The following DRC3 variants were observed in gnomAD, a reference collection of about 807,000 sequenced individuals.
DRC3 encodes dynein regulatory complex subunit 3.
In DRC3, 45 loss-of-function variants were observed where a neutral mutation model predicts 57.6. The observed-to-expected ratio is 0.78, with a 90% CI of 0.62 to 1.00. The LOEUF is 1.00. DRC3 is among the 50% of genes least tolerant of loss of function. The probability of loss-of-function intolerance (pLI) is 0.00; values close to 1 mark genes in which losing one functional copy is unlikely to be tolerated. For missense variants in DRC3, 655 were observed against 675.2 expected (o/e 0.97, Z 0.33); for synonymous variants, 257 against 272.3 (o/e 0.94, Z 0.55).
At chr17:17,978,272 C>T (rs563652296) in intron 3 of DRC3, among the ~76,000 whole-genome samples, 127 of 152,250 alleles carry the variant, frequency 8.3e-4, no homozygotes, top group Non-Finnish European at 1.5e-3. Context: ...AGATGTGGCT[C>T]AGGACCAGGC....
At position 18,007,151 on chromosome 17, in the gene DRC3, G is replaced by A; in HGVS notation, c.1326+4G>A. 1 of 935,066 alleles carries A rather than the reference G, an allele frequency of 1.1e-6. No individual in the cohort carries two copies. The highest frequency in any genetic ancestry group is 1.5e-6 in the Non-Finnish European group (1 of 657,254). The allele number at this position is 935,066 out of a possible 1,614,324, so 57.9% of individuals were successfully genotyped here. A position where few individuals can be genotyped will look rare whatever the true frequency, so the allele number is the denominator to read the frequency against. ...CCTGCCTAACGACCTGCGCGCGGTAGGCGGGGCGGGCTGCTCGGAGCCTGA... is the reference window on the plus strand; with the variant it reads ...CCTGCCTAACGACCTGCGCGCGGTAAGCGGGGCGGGCTGCTCGGAGCCTGA... On this transcript the variant is annotated splice_donor_region_variant and intron_variant, in intron 12 of 13. Transcript: ENST00000399187.
At chr17:18,012,875 C>T (rs1284600219) in intron 12 of DRC3, among the ~76,000 whole-genome samples, 1 of 151,918 alleles carries the variant, frequency 6.6e-6, no homozygotes, top group Non-Finnish European at 1.5e-5. Flanking sequence ...GAAAAGACAC[C>T]CTACACAATG....
chr17:18,010,060 G>A (rs2044114953), intron 12 of DRC3, among the ~76,000 whole-genome samples: 1 of 152,332 alleles, frequency 6.6e-6, no homozygotes, highest in South Asian at 2.1e-4. Context: ...TGCGAGGGCA[G>A]GGTGAGTGCT....
chr17:17,984,681 G>C (rs960782193), intron 4 of DRC3, among the ~76,000 whole-genome samples: 10 of 152,128 alleles, frequency 6.6e-5, no homozygotes, highest in African/African-American at 2.2e-4. Flanking sequence ...GACTCAGGGA[G>C]CCCCAGGCAC....
At chr17:18,004,328 T>C (rs745690426) in intron 9 of DRC3, 35 bp from the exon 10 acceptor site, 2 of 1,577,214 alleles carry the variant, frequency 1.3e-6, no homozygotes, top group Non-Finnish European at 1.7e-6. Context: ...TTACACTTAG[T>C]TGTTGATTCC....
At chr17:17,982,570 T>A (rs962615124) in intron 3 of DRC3, among the ~76,000 whole-genome samples, 1 of 150,368 alleles carries the variant, frequency 6.7e-6, no homozygotes, top group Non-Finnish European at 1.5e-5. Flanking sequence ...GTTCTTTTAA[T>A]GAGCATATTC....
intron 7 of DRC3, 101 bp downstream of exon 7, chr17:17,994,519 C>A: frequency 1.4e-6 from 2 of 1,450,020 alleles, no homozygotes; most frequent in Non-Finnish European, 9.2e-7. Context: ...GCTCTGAAAA[C>A]ACAGAAATCA....
intron 12 of DRC3, chr17:18,010,934 A>G: frequency 3.9e-6 from 1 of 257,448 alleles, no homozygotes; most frequent in East Asian, 1.3e-4. Flanking sequence ...TCTCTCAAGG[A>G]TGAGGTTTTT....
chr17:18,014,222 C>G (rs1300343555), intron 12 of DRC3, among the ~76,000 whole-genome samples: 1 of 152,172 alleles, frequency 6.6e-6, no homozygotes, highest in Admixed American at 6.5e-5. Flanking sequence ...ACACCGTGCC[C>G]GGCCAGTGCC....
chr17:17,972,865 A>G lies in DRC3; in HGVS notation c.-238A>G, dbSNP rs2042188018. 1 of 152,978 alleles carries G rather than the reference A, an allele frequency of 6.5e-6. No homozygotes were observed. The highest frequency in any genetic ancestry group is 6.5e-5 in the Admixed American group (1 of 15,280). 9.5% of individuals were successfully genotyped at this position (152,978 alleles called of 1,614,324 possible). A position where few individuals can be genotyped will look rare whatever the true frequency, so the allele number is the denominator to read the frequency against. On this transcript the variant is annotated 5_prime_UTR_variant, in exon 1 of 14. It removes an upstream start codon present in the reference 5' UTR. Transcript: ENST00000399187. ...CGTGACTTGTCAACTTTCACCCAGG[A>G]TGTCTCCCTTCTGACTTCCCCTTAG...
At chr17:17,974,916 CT>C (rs2042311665) in intron 2 of DRC3, among the ~76,000 whole-genome samples, 1 of 152,194 alleles carries the variant, frequency 6.6e-6, no homozygotes, top group African/African-American at 2.4e-5. Flanking sequence ...AATACGTGAT[CT>C]CACACAAATG....
chr17:17,980,720 G>C (rs1398182779), intron 3 of DRC3, among the ~76,000 whole-genome samples: 1 of 150,942 alleles, frequency 6.6e-6, no homozygotes, highest in Non-Finnish European at 1.5e-5. Flanking sequence ...TCAGCCTCCA[G>C]AGTAGCTGGG....
At chr17:18,006,024 G>C in intron 10 of DRC3, 159 bp from the exon 11 acceptor site, 1 of 632,128 alleles carries the variant, frequency 1.6e-6, no homozygotes, top group Non-Finnish European at 2.9e-6. Flanking sequence ...AGAGCAGAGG[G>C]GTCAGTTCAC....
chr17:18,000,271 T>G (rs1050556774), intron 9 of DRC3, among the ~76,000 whole-genome samples: 5 of 144,232 alleles, frequency 3.5e-5, no homozygotes, highest in Admixed American at 2.8e-4. Context: ...TGTGTGTGCA[T>G]AGCATGCCTT....
chr17:18,013,079 T>C (rs1402244122), intron 12 of DRC3, among the ~76,000 whole-genome samples: 7 of 151,944 alleles, frequency 4.6e-5, no homozygotes, highest in Non-Finnish European at 1.5e-5. Flanking sequence ...ATCAGGGAAA[T>C]GCAAATAAGA....
intron 3 of DRC3, among the ~76,000 whole-genome samples, chr17:17,979,168 G>A (rs1433359712): frequency 2.0e-5 from 3 of 152,198 alleles, no homozygotes; most frequent in Non-Finnish European, 4.4e-5. Flanking sequence ...GGAAAGTGGA[G>A]CAGCCAGTGC....
At position 17,988,809 on chromosome 17, in the gene DRC3, C is replaced by G. The variant is rs116748793; in HGVS notation, c.444+711C>G. ...AGGTGAGTGACCTGGGAGGGTCAAG[C>G]GCTGAGTTGTGACTGGTATGTAAGT... On this transcript the variant is annotated intron_variant, in intron 5 of 13. Coordinates refer to ENST00000399187, the MANE Select transcript of DRC3 (RefSeq NM_031294.4). 4.5e-3 allele frequency among the ~76,000 whole-genome samples: 688 copies of G among 152,226 alleles called. 6 individuals are homozygous for G. Among genetic ancestry groups the G allele is most frequent in the African/African-American group, 0.016 (665 of 41,504 alleles).
chr17:18,010,744 T>G, intron 12 of DRC3: 1 of 201,360 alleles, frequency 5.0e-6, no homozygotes. Context: ...GTGGCCATAG[T>G]CAGGGCAGGG....
chr17:17,979,597 G>C (rs1235281764), intron 3 of DRC3, among the ~76,000 whole-genome samples: 5 of 152,150 alleles, frequency 3.3e-5, no homozygotes, highest in African/African-American at 1.2e-4. Context: ...ATCCTGATTT[G>C]TTGTGTTGTT....
Sources: gnomAD v4.1 joint callset for allele counts (sites outside exome capture counted in the v4.1 genomes callset) on GRCh38, gnomAD v4.1.1 for gene constraint, MANE v1.5 for transcripts, NCBI Gene and HGNC (gene_info 2026-07-23, HGNC 2026-07-21) for gene names.